CTNNA3: variants seen among roughly 807,000 people sequenced by gnomAD.
CTNNA3 encodes catenin alpha 3.
Under a neutral mutation model 95.7 loss-of-function variants are expected in CTNNA3, and 76 were observed. The observed-to-expected ratio is 0.79, with a 90% CI of 0.66 to 0.96. CTNNA3 has a LOEUF of 0.96. Among genes scored for constraint, CTNNA3 ranks in the 40% least tolerant of loss-of-function variants. CTNNA3 has a pLI of 0.00. For missense variants in CTNNA3, 1,191 were observed against 1,089.8 expected (o/e 1.09, Z -1.31); for synonymous variants, 431 against 374.4 (o/e 1.15, Z -1.74).
At chr10:67,671,794 A>G (rs1007033631) in intron 1 of CTNNA3, among the ~76,000 whole-genome samples, 1 of 151,776 alleles carries the variant, frequency 6.6e-6, no homozygotes, top group Non-Finnish European at 1.5e-5. Flanking sequence ...AGTCTTTGCT[A>G]TTGTTAATAG....
chr10:67,049,075 G>A (rs577254337), intron 7 of CTNNA3, among the ~76,000 whole-genome samples: 14 of 148,676 alleles, frequency 9.4e-5, no homozygotes, highest in South Asian at 4.2e-4. Flanking sequence ...ACACCAGTTA[G>A]AAAAAAATGA....
chr10:66,482,091 T>G (rs188968654), intron 11 of CTNNA3, among the ~76,000 whole-genome samples: 327 of 152,298 alleles, frequency 2.1e-3, no homozygotes, highest in African/African-American at 7.7e-3. Context: ...AAGTAAGATT[T>G]TTGTTAATAG....
intron 13 of CTNNA3, among the ~76,000 whole-genome samples, chr10:66,155,644 T>C (rs746284052): frequency 6.6e-6 from 1 of 151,760 alleles, no homozygotes; most frequent in Non-Finnish European, 1.5e-5. Flanking sequence ...CAAGTGGATA[T>C]ATGTATGAGA....
chr10:66,624,379 A>C (rs901169458), intron 9 of CTNNA3, among the ~76,000 whole-genome samples: 1 of 152,156 alleles, frequency 6.6e-6, no homozygotes, highest in Non-Finnish European at 1.5e-5. Context: ...CATTTAATCT[A>C]TCTCTCAACT....
intron 12 of CTNNA3, among the ~76,000 whole-genome samples, chr10:66,354,597 G>A (rs920808461): frequency 1.3e-5 from 2 of 152,000 alleles, no homozygotes; most frequent in African/African-American, 4.8e-5. Flanking sequence ...TAGAGTAAGT[G>A]GATCGTTGAA....
chr10:65,915,186 G>A lies in CTNNA3; in HGVS notation c.*5144C>T, dbSNP rs1213313249. 1.3e-5 allele frequency: 2 copies of A among 151,918 alleles called. No homozygotes were observed. The highest frequency in any genetic ancestry group is 2.9e-5 in the Non-Finnish European group (2 of 67,956). 9.4% of individuals were successfully genotyped at this position (151,918 alleles called of 1,614,324 possible). On this transcript the variant is annotated 3_prime_UTR_variant, in exon 18 of 18. Transcript: ENST00000433211. Reference sequence around the variant, plus strand: ...TAACCCAGATTGGCTCTAATATTGGGAAGAATTTCACCTACCATCAGTCAG... The same window carrying A: ...TAACCCAGATTGGCTCTAATATTGGAAAGAATTTCACCTACCATCAGTCAG...
chr10:67,178,708 G>GAA (rs951450315), intron 7 of CTNNA3, among the ~76,000 whole-genome samples: 25 of 151,678 alleles, frequency 1.6e-4, no homozygotes, highest in African/African-American at 5.6e-4. Context: ...AAAAATAAAT[G>GAA]TATATATAAC....
intron 11 of CTNNA3, among the ~76,000 whole-genome samples, chr10:66,417,570 A>T (rs4746582): frequency 0.26 from 40,183 of 151,856 alleles, 5,470 homozygotes; most frequent in South Asian, 0.39. Context: ...CAACTGCAGA[A>T]TACACATTAT....
At chr10:66,119,843 CCTGT>C (rs1341597349) in intron 13 of CTNNA3, among the ~76,000 whole-genome samples, 4 of 152,148 alleles carry the variant, frequency 2.6e-5, no homozygotes, top group African/African-American at 9.6e-5. Context: ...AAAGGGCTTT[CCTGT>C]CTAATATTTA....
chr10:65,984,953 G>T (rs2078397076), intron 16 of CTNNA3, among the ~76,000 whole-genome samples: 1 of 150,802 alleles, frequency 6.6e-6, no homozygotes, highest in Non-Finnish European at 1.5e-5. Context: ...ACTTATTTAG[G>T]ATATAGTTTG....
At chr10:66,972,073 C>A (rs1179072131) in intron 7 of CTNNA3, among the ~76,000 whole-genome samples, 1 of 152,148 alleles carries the variant, frequency 6.6e-6, no homozygotes, top group Non-Finnish European at 1.5e-5. Flanking sequence ...ACTCTACACT[C>A]CACTGAGCTT....
chr10:66,444,307 T>A (rs1450147987), intron 11 of CTNNA3, among the ~76,000 whole-genome samples: 1 of 151,966 alleles, frequency 6.6e-6, no homozygotes, highest in African/African-American at 2.4e-5. Context: ...ACATTCAGAT[T>A]CAGGAAATAC....
chr10:67,039,712 C>A (rs1048005380), intron 7 of CTNNA3, among the ~76,000 whole-genome samples: 6 of 152,188 alleles, frequency 3.9e-5, no homozygotes, highest in Non-Finnish European at 8.8e-5. Context: ...GGATTAAGAA[C>A]CATCCCAAAA....
chr10:67,676,428 G>C (rs1279773969), intron 1 of CTNNA3, among the ~76,000 whole-genome samples: 1 of 152,016 alleles, frequency 6.6e-6, no homozygotes, highest in African/African-American at 2.4e-5. Context: ...GTAATAGCAG[G>C]GTCCACTTCA....
At chr10:67,503,962 C>T (rs1377277319) in intron 5 of CTNNA3, among the ~76,000 whole-genome samples, 1 of 151,900 alleles carries the variant, frequency 6.6e-6, no homozygotes, top group Non-Finnish European at 1.5e-5. Context: ...TCAAGACCAT[C>T]CTGGCTAACA....
intron 1 of CTNNA3, among the ~76,000 whole-genome samples, chr10:67,684,060 C>T (rs1354835837): frequency 4.6e-5 from 7 of 152,208 alleles, no homozygotes; most frequent in African/African-American, 7.2e-5. Flanking sequence ...AGCGGGTTGC[C>T]GCTGCTGGCT....
intron 15 of CTNNA3, among the ~76,000 whole-genome samples, chr10:66,057,458 T>C (rs1457624894): frequency 2.0e-5 from 3 of 152,186 alleles, no homozygotes; most frequent in African/African-American, 7.2e-5. Context: ...ATTACTAAGA[T>C]CTTATTTAAG....
chr10:66,278,024 C>G (rs1297476385), intron 13 of CTNNA3, among the ~76,000 whole-genome samples: 4 of 151,010 alleles, frequency 2.6e-5, no homozygotes, highest in Admixed American at 2.0e-4. Flanking sequence ...AGCTAAGACT[C>G]TACATTTCAT....
intron 1 of CTNNA3, among the ~76,000 whole-genome samples, chr10:67,726,605 TTA>T (rs1564841334): frequency 5.9e-4 from 16 of 26,986 alleles, no homozygotes; most frequent in African/African-American, 2.3e-3. Flanking sequence ...ATATTACATA[TTA>T]TATAATATAT....
Sources: allele counts gnomAD v4.1 joint callset (sites outside exome capture counted in the v4.1 genomes callset), GRCh38; gene constraint gnomAD v4.1.1; transcripts MANE v1.5; gene names NCBI Gene and HGNC (gene_info 2026-07-23, HGNC 2026-07-21).